FGF14: variants seen among roughly 807,000 people sequenced by gnomAD.
FGF14 encodes fibroblast growth factor homologous factor 4.
In FGF14, 5 loss-of-function variants were observed where a neutral mutation model predicts 25.5. That is an observed-to-expected ratio of 0.20 (90% CI 0.10 to 0.41). The LOEUF (loss-of-function observed/expected upper bound fraction) is 0.41, where lower values mean the gene tolerates loss of function less well. FGF14 is among the 10% of genes least tolerant of loss of function. The pLI is 1.00. For synonymous variants in FGF14, 138 were observed against 118.3 expected (o/e 1.17, Z -1.08); for missense variants, 222 against 320.1 (o/e 0.69, Z 2.34).
upstream of FGF14, among the ~76,000 whole-genome samples, chr13:101,919,869 C>T (rs79050606): frequency 0.036 from 5,499 of 151,060 alleles, 373 homozygotes; most frequent in African/African-American, 0.13. Context: ...TCGAGCGTCC[C>T]GACCCCTGGC....
chr13:102,300,920 G>GACACAC (rs565433977), intron 1 of FGF14, among the ~76,000 whole-genome samples: 1 of 85,906 alleles, frequency 1.2e-5, no homozygotes, highest in African/African-American at 4.5e-5. Context: ...TATGCACACA[G>GACACAC]ACACACACAC....
chr13:102,127,599 T>A (rs990585761), intron 1 of FGF14, among the ~76,000 whole-genome samples: 1 of 152,216 alleles, frequency 6.6e-6, no homozygotes. Flanking sequence ...ACTCAGAGAA[T>A]CATGAATGCT....
At chr13:101,849,405 T>C (rs2043630567) in intron 3 of FGF14, among the ~76,000 whole-genome samples, 1 of 152,062 alleles carries the variant, frequency 6.6e-6, no homozygotes, top group Non-Finnish European at 1.5e-5. Flanking sequence ...TGTCTACCAT[T>C]AATTTTCATA....
chr13:101,881,440 A>G lies in FGF14; in HGVS notation c.194-6144T>C, dbSNP rs1317944766. ...ACATACAAAGATGAATAATTGTATG[A>G]TAAAACATCGTGTGCTTTGGCCTAC... On this transcript the variant is annotated intron_variant, in intron 1 of 4. Coordinates refer to ENST00000376143, the MANE Select transcript of FGF14 (RefSeq NM_004115.4). Among the ~76,000 whole-genome samples the G allele has an allele frequency of 3.9e-5, 6 of 152,230 alleles. No individual in the cohort carries two copies. In the South Asian group the frequency reaches 6.2e-4, roughly 16 times the overall value.
At chr13:102,090,932 G>A (rs1040938069) in intron 1 of FGF14, among the ~76,000 whole-genome samples, 1 of 152,112 alleles carries the variant, frequency 6.6e-6, no homozygotes, top group Non-Finnish European at 1.5e-5. Flanking sequence ...TCAACTTAGT[G>A]GCTCTCAGTT....
At chr13:102,045,958 T>C (rs2041963073) in intron 1 of FGF14, 1 of 154,276 alleles carries the variant, frequency 6.5e-6, no homozygotes, top group Non-Finnish European at 1.5e-5. Context: ...CACTTGGTAA[T>C]TGCTGAGTTG....
At chr13:101,740,549 G>A (rs1008719079) in intron 3 of FGF14, among the ~76,000 whole-genome samples, 4 of 152,144 alleles carry the variant, frequency 2.6e-5, no homozygotes, top group African/African-American at 9.7e-5. Flanking sequence ...TATGGCAGCT[G>A]AGGGAACAGA....
intron 1 of FGF14, among the ~76,000 whole-genome samples, chr13:102,222,614 G>A (rs1203625128): frequency 2.6e-5 from 4 of 152,118 alleles, no homozygotes; most frequent in Admixed American, 6.5e-5. Context: ...CCCACTGGTT[G>A]TAACTGTTAA....
intron 1 of FGF14, among the ~76,000 whole-genome samples, chr13:102,032,773 G>A (rs17688345): frequency 0.098 from 14,972 of 152,094 alleles, 1,035 homozygotes; most frequent in East Asian, 0.28. Context: ...GTACTAGGAT[G>A]GCACCATACG....
At chr13:101,760,351 C>T (rs1369458141) in intron 3 of FGF14, among the ~76,000 whole-genome samples, 1 of 152,192 alleles carries the variant, frequency 6.6e-6, no homozygotes, top group Non-Finnish European at 1.5e-5. Context: ...AAGACCTTCA[C>T]TTATTTGGTG....
Position 102,283,288 on chromosome 13 carries a change from A to G in FGF14, c.208+118183T>C, listed in dbSNP as rs188618738. 8.5e-4 allele frequency among the ~76,000 whole-genome samples: 129 copies of G among 152,376 alleles called. 1 individual carries two copies. The highest frequency in any genetic ancestry group is 3.0e-3 in the African/African-American group (123 of 41,604). On this transcript the variant is annotated intron_variant, in intron 1 of 4. Transcript: ENST00000376131. ...AGCTACAAGGGAGGCTGGGAAATGT[A>G]GCCTTTAGCGACATGATCTTATGCT...
chr13:101,922,700 T>C (rs2034087724), intron 1 of FGF14, among the ~76,000 whole-genome samples: 3 of 152,116 alleles, frequency 2.0e-5, no homozygotes. Flanking sequence ...TTATTGAAAT[T>C]GAATTGATTA....
At chr13:101,831,161 AT>A (rs1156443306) in intron 3 of FGF14, among the ~76,000 whole-genome samples, 1 of 151,944 alleles carries the variant, frequency 6.6e-6, no homozygotes, top group Non-Finnish European at 1.5e-5. Flanking sequence ...ATCCCATATG[AT>A]TTTTTGAGAA....
chr13:101,856,298 T>C (rs1191117567), intron 3 of FGF14, among the ~76,000 whole-genome samples: 1 of 151,908 alleles, frequency 6.6e-6, no homozygotes, highest in African/African-American at 2.4e-5. Context: ...AATATAGATT[T>C]CTAATTGATA....
intron 1 of FGF14, among the ~76,000 whole-genome samples, chr13:102,343,038 C>T (rs1433483196): frequency 2.0e-5 from 3 of 152,024 alleles, no homozygotes; most frequent in Non-Finnish European, 4.4e-5. Flanking sequence ...AAAACTTCCA[C>T]GAAGGATACA....
At chr13:101,779,578 T>C (rs902994475) in intron 3 of FGF14, among the ~76,000 whole-genome samples, 1 of 152,214 alleles carries the variant, frequency 6.6e-6, no homozygotes, top group African/African-American at 2.4e-5. Context: ...CATTTTGAAA[T>C]ATTTCTCAAA....
At chr13:102,174,478 A>G (rs913286756) in intron 1 of FGF14, among the ~76,000 whole-genome samples, 3 of 151,878 alleles carry the variant, frequency 2.0e-5, no homozygotes, top group Non-Finnish European at 2.9e-5. Context: ...TTACATTTCT[A>G]TATATCAACA....
chr13:102,201,715 T>C (rs1268159696), intron 1 of FGF14, among the ~76,000 whole-genome samples: 1 of 152,198 alleles, frequency 6.6e-6, no homozygotes, highest in African/African-American at 2.4e-5. Flanking sequence ...AGAATATTAA[T>C]CTGGCACTGT....
chr13:102,212,653 C>T (rs2050209984), intron 1 of FGF14, among the ~76,000 whole-genome samples: 1 of 152,150 alleles, frequency 6.6e-6, no homozygotes, highest in Non-Finnish European at 1.5e-5. Flanking sequence ...ATGAAGAAAA[C>T]AGGGAATTAT....
Sources: allele counts gnomAD v4.1 joint callset (sites outside exome capture counted in the v4.1 genomes callset), GRCh38; gene constraint gnomAD v4.1.1; transcripts MANE v1.5; gene names NCBI Gene and HGNC (gene_info 2026-07-23, HGNC 2026-07-21).